The following DIP2C variants were observed in gnomAD, a reference collection of about 807,000 sequenced individuals.
The protein encoded by DIP2C is disco-interacting protein 2 homolog C.
A neutral mutation model predicts 192.4 loss-of-function variants in DIP2C; 33 were observed. The observed-to-expected ratio is 0.17, with a 90% CI of 0.13 to 0.23. DIP2C has a LOEUF of 0.23. DIP2C is among the 10% of genes least tolerant of loss of function. The probability of loss-of-function intolerance (pLI) is 1.00; values close to 1 mark genes in which losing one functional copy is unlikely to be tolerated. For missense variants in DIP2C, 1,537 were observed against 2,110.1 expected (o/e 0.73, Z 5.32); for synonymous variants, 979 against 864.1 (o/e 1.13, Z -2.33).
rs567038585 is a variant in DIP2C, at chr10:661,658, C to A, written c.85+27836G>T. On this transcript the variant is annotated intron_variant, in intron 1 of 36. Transcript: ENST00000280886. ...GCCTTTTCTGGGTCTTCCGACCCTT[C>A]CTCCATTTCCAAATGTGGGCTTTCC... Among the ~76,000 whole-genome samples the A allele has an allele frequency of 3.3e-5, 5 of 152,290 alleles. No homozygotes were observed. In the East Asian group the frequency reaches 7.7e-4, roughly 24 times the overall value.
intron 1 of DIP2C, among the ~76,000 whole-genome samples, chr10:557,810 CAGGGGG>C (rs1848977610): frequency 2.3e-5 from 1 of 43,406 alleles, no homozygotes; most frequent in African/African-American, 1.9e-4. Context: ...GGCAGGCAGG[CAGGGGG>C]AGGGGGCAGG....
chr10:641,451 A>C (rs1855192509), intron 1 of DIP2C, among the ~76,000 whole-genome samples: 1 of 152,154 alleles, frequency 6.6e-6, no homozygotes, highest in Non-Finnish European at 1.5e-5. Flanking sequence ...CTTAGATCCC[A>C]GGCACCTTAA....
intron 1 of DIP2C, among the ~76,000 whole-genome samples, chr10:520,320 C>T (rs1240150974): frequency 6.6e-6 from 1 of 152,184 alleles, no homozygotes; most frequent in Non-Finnish European, 1.5e-5. Context: ...CCGACAGCAA[C>T]TGAAATACAG....
At chr10:688,216 G>C (rs1161445512) in intron 1 of DIP2C, among the ~76,000 whole-genome samples, 11 of 152,126 alleles carry the variant, frequency 7.2e-5, no homozygotes, top group Admixed American at 7.2e-4. Context: ...GAGGGCAGCA[G>C]CCAAGCCCAC....
At chr10:647,352 T>A (rs1160392496) in intron 1 of DIP2C, among the ~76,000 whole-genome samples, 2 of 149,918 alleles carry the variant, frequency 1.3e-5, no homozygotes, top group Non-Finnish European at 1.5e-5. Context: ...CACGTCCACA[T>A]TGGACGGCGG....
chr10:639,708 T>C (rs1014300356), intron 1 of DIP2C, among the ~76,000 whole-genome samples: 8 of 152,240 alleles, frequency 5.3e-5, no homozygotes, highest in Admixed American at 3.3e-4. Context: ...CAGTCTTTCA[T>C]GTCCACTGCC....
chr10:567,580 CCAAA>C (rs1413081154), intron 1 of DIP2C, among the ~76,000 whole-genome samples: 13 of 152,304 alleles, frequency 8.5e-5, no homozygotes, highest in Admixed American at 4.6e-4. Context: ...AATATTTCTG[CCAAA>C]CAAACATTCT....
chr10:597,841 G>A (rs553048437), intron 1 of DIP2C, among the ~76,000 whole-genome samples: 1 of 152,266 alleles, frequency 6.6e-6, no homozygotes, highest in East Asian at 1.9e-4. Context: ...GGTCCTAGGG[G>A]TCCTGAGTCC....
intron 2 of DIP2C, among the ~76,000 whole-genome samples, chr10:483,274 C>T (rs144791657): frequency 7.9e-5 from 12 of 152,316 alleles, no homozygotes; most frequent in South Asian, 4.1e-4. Flanking sequence ...CAGGCAAGTG[C>T]GCAGCAGCAC....
intron 2 of DIP2C, among the ~76,000 whole-genome samples, chr10:473,288 A>T (rs1970786650): frequency 6.6e-6 from 1 of 152,240 alleles, no homozygotes; most frequent in African/African-American, 2.4e-5. Flanking sequence ...CCCCCAAAGG[A>T]AGGACATCAT....
intron 1 of DIP2C, among the ~76,000 whole-genome samples, chr10:577,803 TGTTTC>T (rs1030581379): frequency 1.3e-4 from 20 of 150,624 alleles, no homozygotes; most frequent in Middle Eastern, 3.4e-3. Flanking sequence ...TGTTTTGTTT[TGTTTC>T]TTTTGTTTTT....
In DIP2C at chr10:389,523, C is replaced by G. The variant is rs867103350; in HGVS notation, c.1597+468G>C. Among the ~76,000 whole-genome samples, 7 of 152,194 alleles carry G rather than the reference C, an allele frequency of 4.6e-5. No individual in the cohort carries two copies. In the East Asian group the frequency reaches 1.2e-3, roughly 25 times the overall value. On this transcript the variant is annotated intron_variant, in intron 13 of 36. Coordinates refer to ENST00000280886, the MANE Select transcript of DIP2C (RefSeq NM_014974.3). ...GGACACACAGGCGTTTTCTTTACAACTAAAGATATGCTCATGTGCACCCAG... is the reference window on the plus strand; with the variant it reads ...GGACACACAGGCGTTTTCTTTACAAGTAAAGATATGCTCATGTGCACCCAG...
At chr10:286,575 T>C (rs143958055) in intron 33 of DIP2C, among the ~76,000 whole-genome samples, 150 of 152,330 alleles carry the variant, frequency 9.8e-4, no homozygotes, top group African/African-American at 3.2e-3. Flanking sequence ...TATGCTGTTA[T>C]GGTGACCTCA....
At chr10:508,792 G>GA (rs1375504358) in intron 1 of DIP2C, among the ~76,000 whole-genome samples, 1 of 152,206 alleles carries the variant, frequency 6.6e-6, no homozygotes, top group Non-Finnish European at 1.5e-5. Context: ...GAGATGGCGA[G>GA]ACGAGACTGG....
chr10:429,667 G>A (rs1342366694), intron 4 of DIP2C, among the ~76,000 whole-genome samples: 1 of 151,444 alleles, frequency 6.6e-6, no homozygotes, highest in Non-Finnish European at 1.5e-5. Flanking sequence ...ATATTGCTAA[G>A]TGAAAGAAGT....
chr10:405,900 A>G (rs986534305), intron 9 of DIP2C, among the ~76,000 whole-genome samples: 6 of 152,194 alleles, frequency 3.9e-5, no homozygotes, highest in Non-Finnish European at 7.3e-5. Flanking sequence ...GAACCCGCCC[A>G]AGAGCTACCG....
At chr10:634,113 C>A (rs1422849749) in intron 1 of DIP2C, among the ~76,000 whole-genome samples, 1 of 152,178 alleles carries the variant, frequency 6.6e-6, no homozygotes, top group Non-Finnish European at 1.5e-5. Flanking sequence ...CATTATGAAG[C>A]CTAATCATCA....
At chr10:561,977 T>TG (rs2131471029) in intron 1 of DIP2C, among the ~76,000 whole-genome samples, 1 of 152,366 alleles carries the variant, frequency 6.6e-6, no homozygotes, top group East Asian at 1.9e-4. Context: ...GCCGTGCACC[T>TG]GTTCCTACAA....
intron 17 of DIP2C, among the ~76,000 whole-genome samples, chr10:371,646 G>A (rs1481696184): frequency 1.3e-5 from 2 of 151,086 alleles, no homozygotes; most frequent in African/African-American, 4.9e-5. Context: ...CAGCACCCGA[G>A]GGAGGCTGGG....
Sources: gnomAD v4.1 joint callset for allele counts (sites outside exome capture counted in the v4.1 genomes callset) on GRCh38, gnomAD v4.1.1 for gene constraint, MANE v1.5 for transcripts, NCBI Gene and HGNC (gene_info 2026-07-23, HGNC 2026-07-21) for gene names.